The following WDR48 variants were observed in gnomAD, a reference collection of about 807,000 sequenced individuals.
The protein encoded by WDR48 is WD repeat domain 48, also known as WD repeat-containing protein 48.
WDR48 carries 22 observed loss-of-function variants against 94.0 expected under a neutral mutation model. That is an observed-to-expected ratio of 0.23 (90% confidence interval 0.17 to 0.33). The LOEUF is 0.33. Ranked by LOEUF, WDR48 falls within the 10% of genes least tolerant of loss-of-function variation. The probability of loss-of-function intolerance (pLI) is 1.00; values close to 1 mark genes in which losing one functional copy is unlikely to be tolerated. For synonymous variants in WDR48, 278 were observed against 280.5 expected (o/e 0.99, Z 0.09); for missense variants, 541 against 813.8 (o/e 0.66, Z 4.08).
chr3:39,079,610 C>T, intron 10 of WDR48, 101 bp from the exon 11 acceptor site: 3 of 765,382 alleles, frequency 3.9e-6, no homozygotes, highest in Non-Finnish European at 4.1e-6. Flanking sequence ...GTAGCTAGTA[C>T]AGTTTATGTT....
intron 2 of WDR48, among the ~76,000 whole-genome samples, chr3:39,064,131 C>G (rs2033447328): frequency 6.6e-6 from 1 of 152,018 alleles, no homozygotes; most frequent in Non-Finnish European, 1.5e-5. Flanking sequence ...TTGTGAATGA[C>G]AGAGAAAAGA....
intron 10 of WDR48, among the ~76,000 whole-genome samples, chr3:39,079,380 T>A (rs532619112): frequency 6.6e-6 from 1 of 152,316 alleles, no homozygotes; most frequent in South Asian, 2.1e-4. Context: ...ATACAGAGAC[T>A]TCCTGTCATC....
chr3:39,078,428 TG>T (rs2034345005), intron 10 of WDR48, among the ~76,000 whole-genome samples, 189 bp downstream of exon 10: 1 of 152,112 alleles, frequency 6.6e-6, no homozygotes, highest in Admixed American at 6.5e-5. Context: ...TGTTTTGTTT[TG>T]TTTTTTTGAG....
chr3:39,074,473 C>T (rs1176308016), intron 7 of WDR48, among the ~76,000 whole-genome samples: 3 of 152,196 alleles, frequency 2.0e-5, no homozygotes, highest in African/African-American at 7.2e-5. Flanking sequence ...GAAACTTTTA[C>T]TTGCAGATTA....
chr3:39,053,420 G>A (rs972228025), intron 1 of WDR48, among the ~76,000 whole-genome samples: 3 of 152,184 alleles, frequency 2.0e-5, no homozygotes, highest in Admixed American at 6.5e-5. Flanking sequence ...GCACTCACTG[G>A]ATGTTTGTTG....
At chr3:39,060,749 C>T (rs1044951315) in intron 1 of WDR48, among the ~76,000 whole-genome samples, 4 of 152,104 alleles carry the variant, frequency 2.6e-5, no homozygotes, top group East Asian at 1.9e-4. Flanking sequence ...GAGGCTGAGG[C>T]GGGTGGACCA....
At position 39,094,823 on chromosome 3, in the gene WDR48, C is replaced by A; in HGVS notation, c.*80C>A. ...GAGTAGTCCTAGGAAGCCCACTGAT[C>A]CCCAACGGGAGCAAGACTTCTAACG... On this transcript the variant is annotated 3_prime_UTR_variant, in exon 19 of 19. Transcript: ENST00000302313. 8 of 1,544,046 alleles carry A rather than the reference C, an allele frequency of 5.2e-6. No individual in the cohort carries two copies. Among genetic ancestry groups the A allele is most frequent in the Non-Finnish European group, 7.0e-6 (8 of 1,140,558 alleles).
At chr3:39,084,355 T>C in intron 12 of WDR48, 93 bp downstream of exon 12, 1 of 909,472 alleles carries the variant, frequency 1.1e-6, no homozygotes, top group Non-Finnish European at 1.5e-6. Flanking sequence ...CCTGTGTTTT[T>C]AGGTGTGAAA....
chr3:39,092,463 G>A (rs1257578586), intron 17 of WDR48, among the ~76,000 whole-genome samples: 1 of 152,182 alleles, frequency 6.6e-6, no homozygotes, highest in Non-Finnish European at 1.5e-5. Context: ...GGAAAGTAAC[G>A]TGAGGACCCA....
chr3:39,072,687 G>T (rs1047037897), intron 7 of WDR48, among the ~76,000 whole-genome samples: 1 of 152,180 alleles, frequency 6.6e-6, no homozygotes, highest in Non-Finnish European at 1.5e-5. Context: ...ACCTCATAAT[G>T]AACATCTTCA....
At chr3:39,087,369 C>G (rs1397282724) in intron 14 of WDR48, among the ~76,000 whole-genome samples, 1 of 152,154 alleles carries the variant, frequency 6.6e-6, no homozygotes, top group Non-Finnish European at 1.5e-5. Context: ...TACTTGATGG[C>G]TTATGTTTAG....
chr3:39,080,865 G>T (rs1222732155), intron 11 of WDR48, among the ~76,000 whole-genome samples: 1 of 152,200 alleles, frequency 6.6e-6, no homozygotes, highest in Non-Finnish European at 1.5e-5. Flanking sequence ...TTGGGGCAAG[G>T]TGAGCAGTTT....
Position 39,096,296 on chromosome 3 carries a change from C to T in WDR48, c.*1553C>T, listed in dbSNP as rs1183537097. 8.4e-6 allele frequency: 1 copy of T among 118,600 alleles called. No individual in the cohort carries two copies. The highest frequency in any genetic ancestry group is 1.6e-5 in the Non-Finnish European group (1 of 63,858). 7.3% of individuals were successfully genotyped at this position (118,600 alleles called of 1,614,324 possible). ...CTTTCTCCCTTCCTCAGAGAGCAAC[C>T]AGCTTCTTTTTTTTTAAAAGTCCTT... On this transcript the variant is annotated 3_prime_UTR_variant, in exon 19 of 19. Transcript: ENST00000302313.
chr3:39,055,363 T>C (rs923402245), intron 1 of WDR48, among the ~76,000 whole-genome samples: 6 of 152,166 alleles, frequency 3.9e-5, no homozygotes, highest in Non-Finnish European at 4.4e-5. Context: ...CGCATGCCTG[T>C]AATCCCAGGT....
Position 39,089,333 on chromosome 3 carries a change from C to T in WDR48, c.1668+15C>T. The T allele has an allele frequency of 1.2e-6, 2 of 1,606,128 alleles. No homozygotes were observed. Among genetic ancestry groups the T allele is most frequent in the African/African-American group, 1.3e-5 (1 of 74,822 alleles). On this transcript the variant is annotated intron_variant, in intron 16 of 18. Coordinates refer to ENST00000302313, the MANE Select transcript of WDR48 (RefSeq NM_020839.4). ...TCACTGTGGATGTAAGTATCCTCCA[C>T]TCCCACTTTGCTCTTTTATTTTTTT...
rs748352943 is a variant in WDR48 at position 39,079,729 on chromosome 3, A to G, written c.1094A>G (p.Gln365Arg). The G allele has an allele frequency of 1.9e-6, 3 of 1,555,256 alleles. No homozygotes were observed. In the South Asian group the frequency reaches 3.7e-5, roughly 19 times the overall value. ...CCATTAGGGGGTGCTAGTATTATTC[A>G]GTGCCACATTCTTAATGATAAGAGA... is the stretch of plus-strand genomic sequence containing the variant. Reference protein sequence around the residue: ...QVIKGGASIIQCHILNDKRHI... With the variant: ...QVIKGGASIIRCHILNDKRHI... Residue 365 changes from glutamine (Q) to arginine (R), a missense_variant, in exon 11 of 19, where the codon CAG becomes CGG. By Grantham distance (43) the Gln-to-Arg change is conservative. Around this residue, in one of 5 missense-constraint regions of WDR48, gnomAD observed 238 missense variants for 285.3 expected, o/e 0.83. Coordinates refer to ENST00000302313, the MANE Select transcript of WDR48 (RefSeq NM_020839.4).
In WDR48 at chr3:39,060,419, C is replaced by CATATAT. The variant is rs200990149; in HGVS notation, c.49-2618_49-2613dup. Among the ~76,000 whole-genome samples, 1,136 of 147,830 alleles carry CATATAT rather than the reference C, an allele frequency of 7.7e-3. 14 individuals are homozygous for CATATAT. The highest frequency in any genetic ancestry group is 0.026 in the African/African-American group (1,037 of 40,358). ...TGTGTCAGTACAGTGTGTGTGTGTG[C>CATATAT]ATATATATATATATATATGCACACA... On this transcript the variant is annotated intron_variant, in intron 1 of 18. Coordinates refer to ENST00000302313, the MANE Select transcript of WDR48 (RefSeq NM_020839.4).
chr3:39,077,936 A>G, intron 9 of WDR48: 1 of 482,678 alleles, frequency 2.1e-6, no homozygotes, highest in South Asian at 2.9e-5. Flanking sequence ...TTCTCTCCCA[A>G]AGACAATATT....
At chr3:39,083,376 A>G (rs1171318033) in intron 11 of WDR48, among the ~76,000 whole-genome samples, 1 of 152,194 alleles carries the variant, frequency 6.6e-6, no homozygotes, top group African/African-American at 2.4e-5. Context: ...AGCATATTTC[A>G]TTGCTCCTGG....
Sources: allele counts gnomAD v4.1 joint callset (sites outside exome capture counted in the v4.1 genomes callset), GRCh38; gene constraint gnomAD v4.1.1; regional missense constraint gnomAD v4.1.1; transcripts MANE v1.5; gene names NCBI Gene and HGNC (gene_info 2026-07-23, HGNC 2026-07-21).